The following BRWD1 variants were observed in gnomAD, a reference collection of about 807,000 sequenced individuals.
The protein encoded by BRWD1 is bromodomain and WD repeat-containing protein 1.
A neutral mutation model predicts 251.2 loss-of-function variants in BRWD1; 82 were observed. The observed-to-expected ratio is 0.33, with a 90% CI of 0.27 to 0.39. The LOEUF (loss-of-function observed/expected upper bound fraction) is 0.39. BRWD1 is among the 10% of genes least tolerant of loss of function. BRWD1 has a pLI of 1.00. For synonymous variants in BRWD1, 918 were observed against 902.8 expected (o/e 1.02, Z -0.30); for missense variants, 2,233 against 2,711.6 (o/e 0.82, Z 3.92).
At chr21:39,296,648 G>A in intron 5 of BRWD1, 1 of 930,964 alleles carries the variant, frequency 1.1e-6, no homozygotes, top group Non-Finnish European at 1.3e-6. Context: ...ACAACCCTGT[G>A]AGGTAGGTAT....
chr21:39,283,500 A>G (rs1168450515), intron 8 of BRWD1, among the ~76,000 whole-genome samples: 1 of 152,078 alleles, frequency 6.6e-6, no homozygotes, highest in African/African-American at 2.4e-5. Context: ...TACAAATTAT[A>G]CTCTTCTTCC....
Position 39,187,584 on chromosome 21 carries a change from T to G in BRWD1, c.*8675A>C, listed in dbSNP as rs559162470. On this transcript the variant is annotated 3_prime_UTR_variant, in exon 41 of 41. Transcript: ENST00000342449. ...TACTAAGGGCTTCTTCACATTGATA[T>G]AACCTTACATTTGCTTATCTACAAC... The G allele has an allele frequency of 3.0e-6, 3 of 985,080 alleles. No homozygotes were observed. The Admixed American group carries it at 1.8e-4, about 60-fold the overall frequency. The allele number at this position is 985,080 out of a possible 1,614,324, so 61.0% of individuals were successfully genotyped here.
intron 40 of BRWD1, among the ~76,000 whole-genome samples, chr21:39,198,491 C>A (rs1425642511): frequency 2.0e-5 from 3 of 152,144 alleles, no homozygotes; most frequent in African/African-American, 7.2e-5. Context: ...TCCCCATCAT[C>A]AATACAAGAA....
In BRWD1 at chr21:39,191,703, A is replaced by G; in HGVS notation, c.*4556T>C. On this transcript the variant is annotated 3_prime_UTR_variant, in exon 41 of 41. Coordinates refer to ENST00000342449, the MANE Select transcript of BRWD1 (RefSeq NM_033656.4). Reference sequence around the variant, plus strand: ...ACTGATCAAAAAAGGTAATTTTTAAAATGATTTACCTTGTAAAACAAAGGG... The same window carrying G: ...ACTGATCAAAAAAGGTAATTTTTAAGATGATTTACCTTGTAAAACAAAGGG... 3.0e-6 allele frequency: 3 copies of G among 985,250 alleles called. No individual in the cohort carries two copies. The highest frequency in any genetic ancestry group is 3.6e-6 in the Non-Finnish European group (3 of 829,814). 61.0% of individuals were successfully genotyped at this position (985,250 alleles called of 1,614,324 possible). A position where few individuals can be genotyped will look rare whatever the true frequency, so the allele number is the denominator to read the frequency against.
At position 39,194,212 on chromosome 21, in the gene BRWD1, T is replaced by C. The variant is rs2031696376; in HGVS notation, c.*2047A>G. 2.0e-6 allele frequency: 2 copies of C among 983,008 alleles called. No homozygotes were observed. Among genetic ancestry groups the C allele is most frequent in the Middle Eastern group, 5.3e-4 (1 of 1,892 alleles). 60.9% of individuals were successfully genotyped at this position (983,008 alleles called of 1,614,324 possible). A position where few individuals can be genotyped will look rare whatever the true frequency, so the allele number is the denominator to read the frequency against. On this transcript the variant is annotated 3_prime_UTR_variant, in exon 41 of 41. Coordinates refer to ENST00000342449, the MANE Select transcript of BRWD1 (RefSeq NM_033656.4). Reference sequence around the variant, plus strand: ...AAGCCTAAACTGTCAAAATATTGTTTTATACCAAAAGAATGTATGTACTTA... The same window carrying C: ...AAGCCTAAACTGTCAAAATATTGTTCTATACCAAAAGAATGTATGTACTTA...
intron 20 of BRWD1, among the ~76,000 whole-genome samples, chr21:39,248,686 G>T (rs2034292042): frequency 7.0e-6 from 1 of 141,940 alleles, no homozygotes; most frequent in Admixed American, 7.0e-5. Flanking sequence ...AAAAAACACT[G>T]GGGGGTGGAG....
intron 4 of BRWD1, among the ~76,000 whole-genome samples, chr21:39,310,773 C>A (rs1294231561): frequency 6.6e-6 from 1 of 152,136 alleles, no homozygotes; most frequent in African/African-American, 2.4e-5. Flanking sequence ...ACATCCTCAA[C>A]CTCACTTTAG....
intron 4 of BRWD1, among the ~76,000 whole-genome samples, chr21:39,309,393 G>C (rs2036393835): frequency 6.6e-6 from 1 of 152,016 alleles, no homozygotes; most frequent in Non-Finnish European, 1.5e-5. Flanking sequence ...GGGAAATGGA[G>C]GCTTCAGTGA....
At chr21:39,303,159 T>C (rs1012539569) in intron 4 of BRWD1, among the ~76,000 whole-genome samples, 8 of 152,236 alleles carry the variant, frequency 5.3e-5, no homozygotes, top group East Asian at 1.9e-4. Context: ...GTAATGTATA[T>C]TGGTAATGTA....
chr21:39,285,730 A>T (rs1360792994), intron 8 of BRWD1, among the ~76,000 whole-genome samples: 1 of 152,020 alleles, frequency 6.6e-6, no homozygotes, highest in Non-Finnish European at 1.5e-5. Flanking sequence ...TGACCAGTTC[A>T]GGCAACATGG....
chr21:39,269,992 A>C lies in BRWD1; in HGVS notation c.1437T>G (p.Phe479Leu). The C allele has an allele frequency of 6.3e-7, 1 of 1,595,376 alleles. No homozygotes were observed. The change falls in exon 15 of 41, where the codon TTT becomes TTG. Residue 479 changes from phenylalanine to leucine, a missense_variant. By Grantham distance (22) the Phe-to-Leu change is conservative. Transcript: ENST00000342449. ...CTGCAGATAACATAATTCTGGAATC[A>C]AAGGGATGTGTCTCCAGAACAAATA... ...DEVFVLETHPFDSRIMLSAGH... is the reference protein window; with the variant it reads ...DEVFVLETHPLDSRIMLSAGH...
intron 29 of BRWD1, among the ~76,000 whole-genome samples, chr21:39,220,872 T>G (rs1269972623): frequency 6.6e-6 from 1 of 151,920 alleles, no homozygotes; most frequent in Non-Finnish European, 1.5e-5. Context: ...ATAAAAAGAC[T>G]CAACACCAGG....
intron 9 of BRWD1, among the ~76,000 whole-genome samples, chr21:39,279,804 T>TACTC (rs1343250409): frequency 3.3e-5 from 5 of 152,212 alleles, no homozygotes; most frequent in Admixed American, 3.3e-4. Context: ...GGCTAGTGAC[T>TACTC]ACTGTATTAG....
intron 19 of BRWD1, among the ~76,000 whole-genome samples, chr21:39,251,543 C>T (rs889177349): frequency 6.6e-6 from 1 of 152,118 alleles, no homozygotes; most frequent in African/African-American, 2.4e-5. Flanking sequence ...GGCCATGTTC[C>T]AAGGTATAAC....
At chr21:39,316,650 GAC>G (rs1350340797), upstream of BRWD1, among the ~76,000 whole-genome samples, 1 of 152,190 alleles carries the variant, frequency 6.6e-6, no homozygotes. Flanking sequence ...CAGAAATGAT[GAC>G]ACGAGCCCAG....
At chr21:39,262,512 C>T (rs1001787825) in intron 17 of BRWD1, among the ~76,000 whole-genome samples, 2 of 152,138 alleles carry the variant, frequency 1.3e-5, no homozygotes, top group Admixed American at 1.3e-4. Context: ...GTCAAGAGAT[C>T]GAGACCATCC....
chr21:39,199,333 C>A lies in BRWD1; in HGVS notation c.5083G>T (p.Asp1695Tyr). ...GACACTGGTAATAGTTGATTTTCAT[C>A]TTTTAGCTCCTCTTCTTCAATTTCT... ...KSEIEEEELKDENQLLPVSSS... is the reference protein window; with the variant it reads ...KSEIEEEELKYENQLLPVSSS... Residue 1695 changes from aspartate (D) to tyrosine (Y), a missense_variant, in exon 40 of 41, where the codon GAT becomes TAT. Around this residue, in one of 12 missense-constraint regions of BRWD1, gnomAD observed 928 missense variants for 970.0 expected, o/e 0.96. Transcript: ENST00000342449. 1 of 1,614,078 alleles carries A rather than the reference C, an allele frequency of 6.2e-7. No individual in the cohort carries two copies. Among genetic ancestry groups the A allele is most frequent in the Non-Finnish European group, 8.5e-7 (1 of 1,179,936 alleles).
At chr21:39,219,212 G>A (rs1199244375) in intron 29 of BRWD1, among the ~76,000 whole-genome samples, 2 of 152,158 alleles carry the variant, frequency 1.3e-5, no homozygotes, top group Non-Finnish European at 2.9e-5. Flanking sequence ...CCTGAGGTCA[G>A]GAGTTTGAGA....
intron 6 of BRWD1, 62 bp downstream of exon 6, chr21:39,296,203 A>G: frequency 7.4e-7 from 1 of 1,349,866 alleles, no homozygotes; most frequent in Non-Finnish European, 1.0e-6. Context: ...CAGCATTTAT[A>G]AAGGTTGTTG....
Sources: allele counts gnomAD v4.1 joint callset (sites outside exome capture counted in the v4.1 genomes callset), GRCh38; gene constraint gnomAD v4.1.1; regional missense constraint gnomAD v4.1.1; transcripts MANE v1.5; gene names NCBI Gene and HGNC (gene_info 2026-07-23, HGNC 2026-07-21).